SFXN5: variants seen among roughly 807,000 people sequenced by gnomAD.
The protein encoded by SFXN5 is sideroflexin 5, also known as sideroflexin-5.
SFXN5 carries 43 observed loss-of-function variants against 50.2 expected under a neutral mutation model. The observed-to-expected ratio is 0.86, with a 90% CI of 0.67 to 1.11. SFXN5 has a LOEUF of 1.11. SFXN5 is among the 50% of genes least tolerant of loss of function. The pLI is 0.00. For synonymous variants in SFXN5, 203 were observed against 185.8 expected (o/e 1.09, Z -0.75); for missense variants, 463 against 454.1 (o/e 1.02, Z -0.18).
At chr2:73,053,236 G>A (rs1180614493) in intron 2 of SFXN5, 1 of 153,630 alleles carries the variant, frequency 6.5e-6, no homozygotes, top group Admixed American at 6.6e-5. Context: ...TCACAAACCA[G>A]GCATATTTTG....
chr2:72,976,254 T>G (rs918888807), intron 10 of SFXN5, among the ~76,000 whole-genome samples: 1 of 152,048 alleles, frequency 6.6e-6, no homozygotes, highest in Non-Finnish European at 1.5e-5. Flanking sequence ...ATATTTAAAT[T>G]TTTACAGTGA....
chr2:72,993,400 C>T (rs1222987019), intron 9 of SFXN5, among the ~76,000 whole-genome samples: 1 of 152,212 alleles, frequency 6.6e-6, no homozygotes, highest in Non-Finnish European at 1.5e-5. Context: ...TGGGACAGAG[C>T]TCTGCACAGG....
chr2:73,050,268 T>G lies in SFXN5; in HGVS notation c.171+8260A>C, dbSNP rs546248307. On this transcript the variant is annotated intron_variant, in intron 2 of 13. Coordinates refer to ENST00000272433, the MANE Select transcript of SFXN5 (RefSeq NM_144579.3). ...GACAGCCCTATCCCCACAATGCCAC[T>G]AAGCATTCCCCTGGTGGAAACTGCA... Among the ~76,000 whole-genome samples, 361 of 152,254 alleles carry G rather than the reference T, an allele frequency of 2.4e-3. 1 individual carries two copies. Among genetic ancestry groups the G allele is most frequent in the African/African-American group, 8.2e-3 (342 of 41,524 alleles).
intron 3 of SFXN5, among the ~76,000 whole-genome samples, chr2:73,039,147 C>T (rs571927559): frequency 1.3e-5 from 2 of 152,264 alleles, no homozygotes; most frequent in South Asian, 2.1e-4. Flanking sequence ...AGGATGGTCT[C>T]GAACTCCTGA....
At chr2:73,049,845 G>A (rs1681002457) in intron 2 of SFXN5, 1 of 152,000 alleles carries the variant, frequency 6.6e-6, no homozygotes, top group Admixed American at 6.6e-5. Context: ...ATTAGGTATG[G>A]ATGAGACCCA....
chr2:72,997,604 T>C (rs947101115), intron 9 of SFXN5: 3 of 151,716 alleles, frequency 2.0e-5, no homozygotes, highest in Non-Finnish European at 4.4e-5. Flanking sequence ...TTTTTTTTTT[T>C]CTGGAGATGG....
chr2:72,954,232 G>T (rs971037473), intron 13 of SFXN5, among the ~76,000 whole-genome samples: 1 of 152,146 alleles, frequency 6.6e-6, no homozygotes, highest in Admixed American at 6.5e-5. Flanking sequence ...CAGCTGAGAG[G>T]GAGGGACATG....
chr2:73,034,317 G>C (rs1303731348), intron 3 of SFXN5, among the ~76,000 whole-genome samples: 1 of 152,234 alleles, frequency 6.6e-6, no homozygotes, highest in Admixed American at 6.5e-5. Context: ...TAGTGGGTCA[G>C]CCAAGCCTTC....
At position 73,060,563 on chromosome 2, in the gene SFXN5, G is replaced by A. The variant is rs373231790; in HGVS notation, c.103-1967C>T. 1.9e-3 allele frequency among the ~76,000 whole-genome samples: 289 copies of A among 152,168 alleles called. 3 individuals carry two copies. The highest frequency in any genetic ancestry group is 6.8e-3 in the Middle Eastern group (2 of 294). On this transcript the variant is annotated intron_variant, in intron 1 of 13. Transcript: ENST00000272433. ...CTCGGGATTGGATCCTGGCGTAGAG[G>A]GGGGAATGCTCTCAAGAGCATTACT...
chr2:72,978,326 A>G (rs576926099), intron 10 of SFXN5, among the ~76,000 whole-genome samples: 163 of 145,810 alleles, frequency 1.1e-3, no homozygotes, highest in African/African-American at 4.1e-3. Context: ...TCTGACACCC[A>G]GGCTGGAGTG....
At chr2:72,982,382 G>C (rs1288680380) in intron 10 of SFXN5, among the ~76,000 whole-genome samples, 4 of 152,236 alleles carry the variant, frequency 2.6e-5, no homozygotes, top group African/African-American at 9.6e-5. Context: ...AAAAGGTCCA[G>C]AATAAATGTC....
At chr2:73,057,813 G>A (rs1453083107) in intron 2 of SFXN5, among the ~76,000 whole-genome samples, 2 of 152,164 alleles carry the variant, frequency 1.3e-5, no homozygotes, top group Non-Finnish European at 1.5e-5. Flanking sequence ...GTTTGTAAGT[G>A]CTCAGAAGCT....
chr2:73,061,920 AGCCTGG>A lies in SFXN5; in HGVS notation c.103-3330_103-3325del, dbSNP rs1250330267. Among the ~76,000 whole-genome samples, 6 of 152,220 alleles carry A rather than the reference AGCCTGG, an allele frequency of 3.9e-5. No individual in the cohort carries two copies. The East Asian group carries it at 1.2e-3, about 29-fold the overall frequency. ...CACTTGAGCCCAGGAGTTTGAGATC[AGCCTGG>A]GCAACACAGTGAAACCCCATCTCTA... On this transcript the variant is annotated intron_variant, in intron 1 of 13. Transcript: ENST00000272433.
At chr2:73,052,780 C>G (rs913298133) in intron 2 of SFXN5, among the ~76,000 whole-genome samples, 2 of 152,150 alleles carry the variant, frequency 1.3e-5, no homozygotes, top group African/African-American at 4.8e-5. Context: ...CAGAGAAGGC[C>G]AAAGATTTCT....
chr2:72,968,601 A>G, intron 11 of SFXN5, 68 bp from the exon 12 acceptor site: 2 of 1,461,886 alleles, frequency 1.4e-6, no homozygotes, highest in Non-Finnish European at 1.9e-6. Flanking sequence ...CACCACCCAG[A>G]GCCCTAGGTG....
chr2:73,035,710 G>C (rs952490726), intron 3 of SFXN5, among the ~76,000 whole-genome samples: 1 of 152,032 alleles, frequency 6.6e-6, no homozygotes, highest in Non-Finnish European at 1.5e-5. Flanking sequence ...ATATTGGTCA[G>C]GCTGGTCTCG....
rs894438988 is a variant in SFXN5, at chr2:72,977,258, G to T, written c.626-5573C>A. 3.9e-5 allele frequency among the ~76,000 whole-genome samples: 6 copies of T among 152,126 alleles called. No homozygotes were observed. The East Asian group carries it at 5.8e-4, about 15-fold the overall frequency. ...ACCCTGGATGCCCCGCCTGAGACTC[G>T]CCCTTTGTAAAGTAATAGACTCCCT... On this transcript the variant is annotated intron_variant, in intron 10 of 13. Transcript: ENST00000272433.
chr2:72,987,615 C>T (rs1672070429), intron 10 of SFXN5, among the ~76,000 whole-genome samples: 1 of 151,850 alleles, frequency 6.6e-6, no homozygotes, highest in Non-Finnish European at 1.5e-5. Context: ...ATTAGATGGG[C>T]ATGGTGGCGC....
intron 12 of SFXN5, among the ~76,000 whole-genome samples, chr2:72,964,400 A>T (rs1674132062): frequency 6.6e-6 from 1 of 152,238 alleles, no homozygotes; most frequent in Non-Finnish European, 1.5e-5. Context: ...CCCTGCAAAG[A>T]GCAAAAGAGC....
Sources: allele counts gnomAD v4.1 joint callset (sites outside exome capture counted in the v4.1 genomes callset), GRCh38; gene constraint gnomAD v4.1.1; transcripts MANE v1.5; gene names NCBI Gene and HGNC (gene_info 2026-07-23, HGNC 2026-07-21).